The following DSE variants were observed in gnomAD, a reference collection of about 807,000 sequenced individuals.
The protein encoded by DSE is dermatan sulfate epimerase.
DSE carries 36 observed loss-of-function variants against 84.4 expected under a neutral mutation model. The observed-to-expected ratio is 0.43, with a 90% confidence interval of 0.33 to 0.56. The LOEUF (loss-of-function observed/expected upper bound fraction) is 0.56, where lower values mean the gene tolerates loss of function less well. Among genes scored for constraint, DSE ranks in the 20% least tolerant of loss-of-function variants. DSE has a pLI of 0.06. For missense variants in DSE, 862 were observed against 1,169.6 expected, an observed-to-expected ratio of 0.74 and a Z score of 3.84; for synonymous variants, 410 against 430.1, an observed-to-expected ratio of 0.95 and a Z score of 0.58.
chr6:116,369,702 TA>T (rs80346491), upstream of DSE: 125 of 317,508 alleles, frequency 3.9e-4, 1 homozygote, highest in East Asian at 9.1e-3. Context: ...AGTGAACATT[TA>T]AAAAATTTAA....
chr6:116,278,791 C>T (rs762697030), intron 2 of DSE: 5 of 1,614,032 alleles, frequency 3.1e-6, no homozygotes, highest in Admixed American at 1.7e-5. Flanking sequence ...AGACACCACT[C>T]GGCCGGAGGA....
chr6:116,422,175 T>A (rs538471000), intron 2 of DSE, among the ~76,000 whole-genome samples: 1 of 152,350 alleles, frequency 6.6e-6, no homozygotes, highest in East Asian at 1.9e-4. Flanking sequence ...GTTATTTCAG[T>A]CTACCGAATG....
intron 2 of DSE, among the ~76,000 whole-genome samples, chr6:116,409,943 G>C (rs558750732): frequency 6.6e-6 from 1 of 152,174 alleles, no homozygotes; most frequent in Non-Finnish European, 1.5e-5. Context: ...AGAAAGCAGA[G>C]TGCTTTTGAG....
At chr6:116,421,458 TA>T in intron 2 of DSE, among the ~76,000 whole-genome samples, 1 of 80,496 alleles carries the variant, frequency 1.2e-5, no homozygotes, top group African/African-American at 6.9e-5. Flanking sequence ...TATATATATA[TA>T]TATATTTTTT....
chr6:116,421,994 G>A (rs1783125234), intron 2 of DSE, among the ~76,000 whole-genome samples: 1 of 152,170 alleles, frequency 6.6e-6, no homozygotes. Flanking sequence ...TTGACTGATA[G>A]TGGTTCCATA....
chr6:116,294,557 AG>A (rs71554846), intron 2 of DSE, among the ~76,000 whole-genome samples: 29,175 of 152,168 alleles, frequency 0.19, 3,108 homozygotes, highest in East Asian at 0.28. Flanking sequence ...CAGGGAAGAT[AG>A]GAAAGCCATA....
chr6:116,291,399 G>A (rs1209289482), intron 2 of DSE, among the ~76,000 whole-genome samples: 1 of 151,724 alleles, frequency 6.6e-6, no homozygotes, highest in Non-Finnish European at 1.5e-5. Context: ...ATAAGAGAGA[G>A]GGGGTGAAAA....
In DSE at chr6:116,371,094, G is replaced by A. The variant is rs1779521868; in HGVS notation, c.-81G>A. 5 of 986,094 alleles carry A rather than the reference G, an allele frequency of 5.1e-6. No individual in the cohort carries two copies. The highest frequency in any genetic ancestry group is 4.8e-6 in the Non-Finnish European group (4 of 830,634). The allele number at this position is 986,094 out of a possible 1,614,324, so 61.1% of individuals were successfully genotyped here. A position where few individuals can be genotyped will look rare whatever the true frequency, so the allele number is the denominator to read the frequency against. ...CTCTGGAGGCTGCGGAGGCGACGCC[G>A]GAGAGAACGAAGCCTCGGCTGGGAG... On this transcript the variant is annotated 5_prime_UTR_variant, in exon 1 of 6. Transcript: ENST00000644252.
intron 2 of DSE, among the ~76,000 whole-genome samples, chr6:116,405,169 G>T (rs6908915): frequency 0.18 from 27,600 of 152,170 alleles, 3,383 homozygotes; most frequent in Middle Eastern, 0.31. Context: ...ATGAAAATGA[G>T]GAGTGTGCCT....
At chr6:116,329,886 C>T (rs1369845406) in intron 2 of DSE, among the ~76,000 whole-genome samples, 2 of 152,192 alleles carry the variant, frequency 1.3e-5, no homozygotes, top group African/African-American at 4.8e-5. Context: ...TGCAATGACG[C>T]GATCTCAGCT....
intron 1 of DSE, among the ~76,000 whole-genome samples, chr6:116,376,614 A>G (rs922092243): frequency 2.6e-5 from 4 of 152,226 alleles, no homozygotes; most frequent in African/African-American, 9.7e-5. Context: ...TGTTTGCTTC[A>G]GCTCCCTTGG....
chr6:116,301,673 A>C (rs1223401223), intron 2 of DSE, among the ~76,000 whole-genome samples: 2 of 152,156 alleles, frequency 1.3e-5, no homozygotes, highest in African/African-American at 4.8e-5. Context: ...TCTGGGGTAC[A>C]TGTGCAGAAC....
At chr6:116,426,327 A>G (rs2115063969) in intron 2 of DSE, among the ~76,000 whole-genome samples, 1 of 152,358 alleles carries the variant, frequency 6.6e-6, no homozygotes, top group East Asian at 1.9e-4. Flanking sequence ...GAGTAAAAAA[A>G]GTAAAAATTC....
At chr6:116,338,603 C>A (rs749704022) in intron 2 of DSE, among the ~76,000 whole-genome samples, 5 of 152,108 alleles carry the variant, frequency 3.3e-5, no homozygotes, top group Non-Finnish European at 5.9e-5. Context: ...ACAGACAGAA[C>A]CAAAGATTAC....
intron 2 of DSE, among the ~76,000 whole-genome samples, chr6:116,341,613 T>A (rs1777600625): frequency 6.6e-6 from 1 of 152,262 alleles, no homozygotes; most frequent in African/African-American, 2.4e-5. Flanking sequence ...TTCTAGGGTT[T>A]TTATGGTTCC....
intron 2 of DSE, among the ~76,000 whole-genome samples, chr6:116,349,108 A>G (rs915270240): frequency 2.0e-5 from 3 of 152,200 alleles, no homozygotes; most frequent in Non-Finnish European, 4.4e-5. Context: ...CCTAGAACAT[A>G]AAGTATAACC....
chr6:116,371,921 G>A (rs1779611506), intron 1 of DSE, among the ~76,000 whole-genome samples: 1 of 152,208 alleles, frequency 6.6e-6, no homozygotes, highest in African/African-American at 2.4e-5. Flanking sequence ...GCATTCAGAT[G>A]GAAACCGAAG....
intron 1 of DSE, among the ~76,000 whole-genome samples, chr6:116,379,040 T>A (rs1388073751): frequency 6.6e-6 from 1 of 152,180 alleles, no homozygotes; most frequent in Admixed American, 6.5e-5. Context: ...AATGCTAACT[T>A]TATTTTATTT....
chr6:116,255,255 C>G (rs1434508731), intron 1 of DSE: 1 of 152,178 alleles, frequency 6.6e-6, no homozygotes, highest in Non-Finnish European at 1.5e-5. Context: ...TGATCACTTT[C>G]AAATACAGGC....
Sources: gnomAD v4.1 joint callset for allele counts (sites outside exome capture counted in the v4.1 genomes callset) on GRCh38, gnomAD v4.1.1 for gene constraint, MANE v1.5 for transcripts, NCBI Gene and HGNC (gene_info 2026-07-23, HGNC 2026-07-21) for gene names.